RBMS3: variants seen among roughly 807,000 people sequenced by gnomAD.
RBMS3 encodes RNA-binding motif, single-stranded-interacting protein 3.
Under a neutral mutation model 66.8 loss-of-function variants are expected in RBMS3, and 27 were observed. That is an observed-to-expected ratio of 0.40 (90% CI 0.30 to 0.56). RBMS3 has a LOEUF of 0.56. Among genes scored for constraint, RBMS3 ranks in the 20% least tolerant of loss-of-function variants. The pLI is 0.40. For missense variants in RBMS3, 513 were observed against 549.5 expected (o/e 0.93, Z 0.66); for synonymous variants, 188 against 183.0 (o/e 1.03, Z -0.22).
chr3:29,884,152 C>G lies in RBMS3; in HGVS notation c.745-10C>G. On this transcript the variant is annotated splice_polypyrimidine_tract_variant and intron_variant, in intron 7 of 14. Coordinates refer to ENST00000383767, the MANE Select transcript of RBMS3 (RefSeq NM_001003793.3). ...AGATTTGTTTTCTTCCCTCTTCATC[C>G]TATATACAGGCTGGCATGGCTTTGA... 1 of 1,610,176 alleles carries G rather than the reference C, an allele frequency of 6.2e-7. No homozygotes were observed. Among genetic ancestry groups the G allele is most frequent in the Non-Finnish European group, 8.5e-7 (1 of 1,177,416 alleles).
At chr3:29,324,678 T>C (rs911111179) in intron 1 of RBMS3, among the ~76,000 whole-genome samples, 5 of 147,954 alleles carry the variant, frequency 3.4e-5, no homozygotes, top group African/African-American at 1.1e-4. Flanking sequence ...TACAATCTCC[T>C]GCACTAAAGT....
At chr3:29,750,540 T>A (rs936737169) in intron 5 of RBMS3, among the ~76,000 whole-genome samples, 1 of 152,198 alleles carries the variant, frequency 6.6e-6, no homozygotes, top group African/African-American at 2.4e-5. Flanking sequence ...CTAATATAAC[T>A]CAAACCTATT....
At chr3:29,758,389 C>T (rs1286082947) in intron 5 of RBMS3, among the ~76,000 whole-genome samples, 2 of 152,212 alleles carry the variant, frequency 1.3e-5, no homozygotes, top group Non-Finnish European at 2.9e-5. Flanking sequence ...GTGTTACTTT[C>T]TTCATCTGTA....
chr3:29,991,562 G>T, intron 14 of RBMS3: 1 of 218,758 alleles, frequency 4.6e-6, no homozygotes. Flanking sequence ...ATAGTAAAGA[G>T]CAAGCCCAAA....
At chr3:29,379,725 C>T (rs564076083) in intron 1 of RBMS3, among the ~76,000 whole-genome samples, 28 of 152,304 alleles carry the variant, frequency 1.8e-4, no homozygotes, top group Non-Finnish European at 3.7e-4. Context: ...ATGTCAACCT[C>T]ATTGACTGAA....
At chr3:29,878,207 C>T (rs1318687987) in intron 7 of RBMS3, among the ~76,000 whole-genome samples, 2 of 152,050 alleles carry the variant, frequency 1.3e-5, no homozygotes, top group Non-Finnish European at 2.9e-5. Context: ...GTAGTGCTCG[C>T]TTGCCTGCTG....
At chr3:29,970,047 G>A (rs960815902) in intron 12 of RBMS3, among the ~76,000 whole-genome samples, 8 of 152,124 alleles carry the variant, frequency 5.3e-5, no homozygotes, top group African/African-American at 1.9e-4. Context: ...ATTCATTAAA[G>A]AGGATGTTCG....
At chr3:29,371,701 T>TAC (rs2038212341) in intron 1 of RBMS3, among the ~76,000 whole-genome samples, 1 of 152,182 alleles carries the variant, frequency 6.6e-6, no homozygotes, top group African/African-American at 2.4e-5. Context: ...TTTTGTTTTA[T>TAC]TGGTTCCAAG....
chr3:29,322,127 TA>T (rs1559486452), intron 1 of RBMS3, among the ~76,000 whole-genome samples: 1 of 152,076 alleles, frequency 6.6e-6, no homozygotes, highest in Non-Finnish European at 1.5e-5. Flanking sequence ...TCCTCTCTTT[TA>T]TTTTTTTTTC....
intron 2 of RBMS3, among the ~76,000 whole-genome samples, chr3:29,460,833 C>CAGAG (rs544466102): frequency 1.9e-3 from 294 of 152,288 alleles, no homozygotes; most frequent in Non-Finnish European, 3.0e-3. Flanking sequence ...CTAGGACTCT[C>CAGAG]AGAGAACAGT....
At chr3:29,505,045 G>T (rs2044130285) in intron 3 of RBMS3, among the ~76,000 whole-genome samples, 1 of 151,968 alleles carries the variant, frequency 6.6e-6, no homozygotes, top group African/African-American at 2.4e-5. Context: ...TTCCTTGGCT[G>T]TGTTTTTCAG....
rs116751773 is a variant in RBMS3, at chr3:29,666,762, T to A, written c.400-72958T>A. Among the ~76,000 whole-genome samples, 1,482 of 152,286 alleles carry A rather than the reference T, an allele frequency of 9.7e-3. 37 individuals are homozygous for A. The highest frequency in any genetic ancestry group is 0.033 in the African/African-American group (1,386 of 41,568). On this transcript the variant is annotated intron_variant, in intron 4 of 14. Transcript: ENST00000383767. ...GCTATATGAATCTGCCAAAAATATT[T>A]AATTTTTAAAAAATAACTGGTTACT... is the stretch of plus-strand genomic sequence containing the variant.
At chr3:29,920,730 C>T (rs1406736868) in intron 10 of RBMS3, among the ~76,000 whole-genome samples, 1 of 151,698 alleles carries the variant, frequency 6.6e-6, no homozygotes, top group East Asian at 1.9e-4. Context: ...AATCCCAGCA[C>T]TTTGGAAGGT....
At chr3:29,872,246 G>A (rs2149556471) in intron 7 of RBMS3, among the ~76,000 whole-genome samples, 1 of 152,060 alleles carries the variant, frequency 6.6e-6, no homozygotes, top group East Asian at 1.9e-4. Context: ...AACTCATCAT[G>A]TGCTAATAAA....
At chr3:29,558,017 A>C (rs2046419546) in intron 3 of RBMS3, among the ~76,000 whole-genome samples, 1 of 152,170 alleles carries the variant, frequency 6.6e-6, no homozygotes, top group South Asian at 2.1e-4. Context: ...CAACAGGATG[A>C]GATGAAAAGA....
At chr3:29,979,664 C>T (rs575538274) in intron 12 of RBMS3, among the ~76,000 whole-genome samples, 73 of 152,256 alleles carry the variant, frequency 4.8e-4, no homozygotes, top group African/African-American at 1.7e-3. Flanking sequence ...TCAACTCCCA[C>T]TTATGAGTGA....
At chr3:29,902,217 A>G (rs1035122756) in intron 10 of RBMS3, among the ~76,000 whole-genome samples, 6 of 151,826 alleles carry the variant, frequency 4.0e-5, no homozygotes, top group African/African-American at 7.3e-5. Context: ...ATACCCAAAT[A>G]ATTATGTTTT....
intron 4 of RBMS3, among the ~76,000 whole-genome samples, chr3:29,727,448 A>C (rs929204530): frequency 5.9e-5 from 9 of 152,194 alleles, no homozygotes; most frequent in Admixed American, 3.3e-4. Context: ...AATGGGAGAA[A>C]ATTTTTGCAA....
At chr3:29,917,852 C>A (rs921743714) in intron 10 of RBMS3, among the ~76,000 whole-genome samples, 1 of 152,120 alleles carries the variant, frequency 6.6e-6, no homozygotes, top group Non-Finnish European at 1.5e-5. Flanking sequence ...TTCCAGGCAT[C>A]AGCAAGAAGT....
Sources: allele counts gnomAD v4.1 joint callset (sites outside exome capture counted in the v4.1 genomes callset), GRCh38; gene constraint gnomAD v4.1.1; transcripts MANE v1.5; gene names NCBI Gene and HGNC (gene_info 2026-07-23, HGNC 2026-07-21).